Variants in CRIM1 observed in about 807,000 individuals in gnomAD.
The protein encoded by CRIM1 is cysteine rich transmembrane BMP regulator 1.
A neutral mutation model predicts 116.4 loss-of-function variants in CRIM1; 32 were observed. The ratio of observed to expected loss-of-function variants is 0.27; its 90% CI spans 0.21 to 0.37. The LOEUF (loss-of-function observed/expected upper bound fraction) is 0.37. Among genes scored for constraint, CRIM1 ranks in the 10% least tolerant of loss-of-function variants. The pLI is 1.00. For missense variants in CRIM1, 1,331 were observed against 1,354.8 expected, an observed-to-expected ratio of 0.98 and a Z score of 0.28; for synonymous variants, 590 against 509.2, an observed-to-expected ratio of 1.16 and a Z score of -2.13.
intron 1 of CRIM1, among the ~76,000 whole-genome samples, chr2:36,370,877 T>G (rs1431480958): frequency 6.6e-6 from 1 of 152,216 alleles, no homozygotes; most frequent in African/African-American, 2.4e-5. Context: ...CCATAGGACC[T>G]TAGCAGTCTG....
At chr2:36,384,450 G>A (rs1214442886) in intron 1 of CRIM1, among the ~76,000 whole-genome samples, 1 of 152,324 alleles carries the variant, frequency 6.6e-6, no homozygotes, top group South Asian at 2.1e-4. Context: ...CAGTGAGTTG[G>A]AGCTGAGTGT....
At chr2:36,454,177 C>T (rs1373005335) in intron 4 of CRIM1, among the ~76,000 whole-genome samples, 7 of 152,192 alleles carry the variant, frequency 4.6e-5, no homozygotes, top group Admixed American at 4.6e-4. Flanking sequence ...ATAATAACCC[C>T]AGTCCTCCTC....
chr2:36,484,368 G>A (rs1196416426), intron 7 of CRIM1, among the ~76,000 whole-genome samples: 2 of 151,982 alleles, frequency 1.3e-5, no homozygotes, highest in East Asian at 1.9e-4. Context: ...TATAAATGCT[G>A]CCAAAGCTGA....
chr2:36,509,923 A>T, intron 8 of CRIM1, 60 bp from the exon 9 acceptor site: 1 of 1,486,452 alleles, frequency 6.7e-7, no homozygotes, highest in Non-Finnish European at 9.2e-7. Flanking sequence ...GTATTTCAGC[A>T]TCGAAGTGTT....
chr2:36,382,005 C>T (rs1400034899), intron 1 of CRIM1, among the ~76,000 whole-genome samples: 1 of 152,176 alleles, frequency 6.6e-6, no homozygotes, highest in Non-Finnish European at 1.5e-5. Flanking sequence ...GGTCTGTTAC[C>T]TCCCTCAAAG....
At chr2:36,531,925 G>A (rs1666148232) in intron 13 of CRIM1, 1 of 470,910 alleles carries the variant, frequency 2.1e-6, no homozygotes, top group African/African-American at 2.0e-5. Context: ...CAGCCCCATG[G>A]AAGGACCAGC....
At chr2:36,527,324 A>G (rs1230500740) in intron 13 of CRIM1, among the ~76,000 whole-genome samples, 1 of 152,140 alleles carries the variant, frequency 6.6e-6, no homozygotes, top group Non-Finnish European at 1.5e-5. Context: ...AATGAGTTCT[A>G]TTATAGGTAG....
chr2:36,441,078 T>C (rs1675781505), intron 2 of CRIM1, among the ~76,000 whole-genome samples, 180 bp from the exon 3 acceptor site: 1 of 152,192 alleles, frequency 6.6e-6, no homozygotes, highest in Admixed American at 6.5e-5. Flanking sequence ...TTTGGTGTCA[T>C]GGGCAGATCT....
chr2:36,405,765 C>CTTA (rs1376218887), intron 2 of CRIM1, among the ~76,000 whole-genome samples: 3 of 152,116 alleles, frequency 2.0e-5, no homozygotes, highest in Non-Finnish European at 4.4e-5. Flanking sequence ...AAAAGCATAT[C>CTTA]TTATACATTG....
intron 1 of CRIM1, among the ~76,000 whole-genome samples, chr2:36,368,952 A>G (rs1384347333): frequency 2.0e-5 from 3 of 152,236 alleles, no homozygotes; most frequent in African/African-American, 4.8e-5. Flanking sequence ...GATAATATCA[A>G]AAGTTAAATC....
intron 1 of CRIM1, among the ~76,000 whole-genome samples, chr2:36,379,542 A>G (rs10167894): frequency 6.6e-6 from 1 of 152,060 alleles, no homozygotes; most frequent in African/African-American, 2.4e-5. Context: ...GTGCAGAGGT[A>G]ATGTGCAGTC....
intron 1 of CRIM1, among the ~76,000 whole-genome samples, chr2:36,358,999 C>T (rs1251961438): frequency 3.9e-5 from 6 of 152,116 alleles, no homozygotes; most frequent in Admixed American, 3.9e-4. Context: ...ATTAGAGGAG[C>T]CTTCAGATGT....
chr2:36,363,532 C>CCCT (rs1431949027), intron 1 of CRIM1, among the ~76,000 whole-genome samples: 1 of 134,278 alleles, frequency 7.4e-6, no homozygotes, highest in Non-Finnish European at 1.7e-5. Context: ...CGTCGCCGCC[C>CCCT]CCCCCCCCCA....
chr2:36,534,379 A>G (rs1355491122), intron 13 of CRIM1, among the ~76,000 whole-genome samples: 6 of 96,554 alleles, frequency 6.2e-5, no homozygotes, highest in Non-Finnish European at 4.0e-5. Context: ...AAGGGGAAGG[A>G]AGGGAGGGAG....
chr2:36,425,421 T>G (rs752407654), intron 2 of CRIM1, among the ~76,000 whole-genome samples: 1 of 152,190 alleles, frequency 6.6e-6, no homozygotes, highest in Non-Finnish European at 1.5e-5. Context: ...GTTAGACTCA[T>G]TACTGAAAAC....
chr2:36,388,511 G>A (rs7589917), intron 1 of CRIM1, among the ~76,000 whole-genome samples: 113,033 of 152,112 alleles, frequency 0.74, 42,941 homozygotes, highest in East Asian at 0.98. Context: ...GGGCCTCATG[G>A]ATTATCCATT....
At chr2:36,449,200 A>G (rs1243612575) in intron 4 of CRIM1, among the ~76,000 whole-genome samples, 2 of 152,212 alleles carry the variant, frequency 1.3e-5, no homozygotes, top group Non-Finnish European at 2.9e-5. Context: ...ACAAGCCAGA[A>G]TCACAGAGCT....
intron 5 of CRIM1, among the ~76,000 whole-genome samples, chr2:36,475,596 C>T (rs1243812453): frequency 6.6e-6 from 1 of 152,104 alleles, no homozygotes; most frequent in African/African-American, 2.4e-5. Context: ...ATTGCTCTGG[C>T]TAGAATTTTC....
intron 13 of CRIM1, among the ~76,000 whole-genome samples, chr2:36,535,934 A>G (rs532596287): frequency 1.3e-5 from 2 of 152,350 alleles, no homozygotes; most frequent in African/African-American, 4.8e-5. Flanking sequence ...ATATACAAAT[A>G]CTACGCTGTT....
Sources: allele counts gnomAD v4.1 joint callset (sites outside exome capture counted in the v4.1 genomes callset), GRCh38; gene constraint gnomAD v4.1.1; transcripts MANE v1.5; gene names NCBI Gene and HGNC (gene_info 2026-07-23, HGNC 2026-07-21).